Variants in PTPRD observed in about 807,000 individuals in gnomAD.
The protein encoded by PTPRD is receptor-type tyrosine-protein phosphatase delta.
Under a neutral mutation model 214.5 loss-of-function variants are expected in PTPRD, and 34 were observed. The observed-to-expected ratio is 0.16, with a 90% CI of 0.12 to 0.21. The LOEUF (loss-of-function observed/expected upper bound fraction) is 0.21. PTPRD is among the 10% of genes least tolerant of loss of function. PTPRD has a pLI of 1.00. For synonymous variants in PTPRD, 1,128 were observed against 845.7 expected (o/e 1.33, Z -5.79); for missense variants, 2,545 against 2,398.7 (o/e 1.06, Z -1.27).
At chr9:9,914,754 C>T (rs1268575394) in intron 5 of PTPRD, among the ~76,000 whole-genome samples, 4 of 152,190 alleles carry the variant, frequency 2.6e-5, no homozygotes. Flanking sequence ...CCCGGGCCAG[C>T]TGAGCCTGCT....
intron 7 of PTPRD, among the ~76,000 whole-genome samples, chr9:9,585,904 GAAACTGGAAGCAGGCT>G (rs2091862525): frequency 6.6e-6 from 1 of 152,032 alleles, no homozygotes; most frequent in Admixed American, 6.6e-5. Flanking sequence ...TTAACATGGA[GAAACTGGAAGCAGGCT>G]AACCAGAAGT....
intron 10 of PTPRD, among the ~76,000 whole-genome samples, chr9:9,057,463 T>C (rs978178145): frequency 1.3e-5 from 2 of 152,174 alleles, no homozygotes; most frequent in Non-Finnish European, 2.9e-5. Flanking sequence ...CTTTGAAAAC[T>C]ATATGTTAAA....
intron 30 of PTPRD, among the ~76,000 whole-genome samples, chr9:8,476,112 G>T (rs1376595291): frequency 6.6e-6 from 1 of 151,688 alleles, no homozygotes; most frequent in African/African-American, 2.4e-5. Flanking sequence ...CTAGTCCAGT[G>T]GTTCCGAGCC....
At chr9:8,971,226 A>G (rs573151549) in intron 11 of PTPRD, among the ~76,000 whole-genome samples, 2 of 152,034 alleles carry the variant, frequency 1.3e-5, no homozygotes, top group African/African-American at 2.4e-5. Flanking sequence ...TTTATTAGAT[A>G]TAAGTTAACT....
chr9:9,478,502 A>G (rs2095226426), intron 8 of PTPRD, among the ~76,000 whole-genome samples: 1 of 152,202 alleles, frequency 6.6e-6, no homozygotes, highest in Non-Finnish European at 1.5e-5. Context: ...TCTGAAAATG[A>G]AAAATAGTGA....
chr9:8,388,823 T>C (rs1185389002), intron 37 of PTPRD, among the ~76,000 whole-genome samples: 2 of 152,206 alleles, frequency 1.3e-5, no homozygotes, highest in African/African-American at 2.4e-5. Flanking sequence ...TTAAGTCTTA[T>C]GCTGCAGATT....
intron 5 of PTPRD, among the ~76,000 whole-genome samples, chr9:9,836,318 T>C (rs766001130): frequency 5.9e-5 from 9 of 152,128 alleles, no homozygotes; most frequent in Non-Finnish European, 1.2e-4. Flanking sequence ...ATGTAGACAA[T>C]ATCAGGTAAA....
At chr9:9,387,811 C>T (rs918093691) in intron 9 of PTPRD, among the ~76,000 whole-genome samples, 3 of 152,058 alleles carry the variant, frequency 2.0e-5, no homozygotes, top group Admixed American at 1.3e-4. Context: ...TGTGGGGCTC[C>T]GACCCTATGG....
chr9:9,584,359 C>CATTATTATTATTATTATT (rs565638451), intron 7 of PTPRD, among the ~76,000 whole-genome samples: 3,965 of 149,148 alleles, frequency 0.027, 150 homozygotes, highest in African/African-American at 0.086. Context: ...ATTTCATCAC[C>CATTATTATTATTATTATT]ATTATTATTA....
Position 10,101,903 on chromosome 9 carries a change from T to C in PTPRD, c.-544-68113A>G, listed in dbSNP as rs1258955482. Among the ~76,000 whole-genome samples, 8 of 151,692 alleles carry C rather than the reference T, an allele frequency of 5.3e-5. No individual in the cohort carries two copies. The East Asian group carries it at 1.2e-3, about 22-fold the overall frequency. On this transcript the variant is annotated intron_variant, in intron 3 of 45. Transcript: ENST00000381196. ...GTTTTAGGTGCTGTAAGGGACAGCA[T>C]TGGAAACATGTATTTAAGGATACAC...
chr9:8,629,499 T>C (rs72698251), intron 14 of PTPRD, among the ~76,000 whole-genome samples: 7,160 of 151,844 alleles, frequency 0.047, 478 homozygotes, highest in African/African-American at 0.15. Context: ...TCCCTGTTCT[T>C]ACAACACTCT....
At chr9:10,517,565 T>A in intron 2 of PTPRD, among the ~76,000 whole-genome samples, 1 of 152,044 alleles carries the variant, frequency 6.6e-6, no homozygotes, top group East Asian at 1.9e-4. Flanking sequence ...AACAAACTAT[T>A]TTGTCCAATG....
intron 11 of PTPRD, among the ~76,000 whole-genome samples, chr9:8,928,795 T>G (rs2098923200): frequency 6.6e-6 from 1 of 152,324 alleles, no homozygotes; most frequent in East Asian, 1.9e-4. Flanking sequence ...ATGGCCATTT[T>G]CATGATATTG....
chr9:10,491,247 T>A (rs994513873), intron 2 of PTPRD, among the ~76,000 whole-genome samples: 1 of 152,164 alleles, frequency 6.6e-6, no homozygotes, highest in East Asian at 1.9e-4. Flanking sequence ...CAACGTATAA[T>A]CACATATTAT....
chr9:10,417,955 T>A (rs2154514576), intron 2 of PTPRD, among the ~76,000 whole-genome samples: 1 of 151,868 alleles, frequency 6.6e-6, no homozygotes, highest in East Asian at 2.0e-4. Context: ...ACTGTGAATA[T>A]ATCATTTTAC....
rs531844135 is a variant in PTPRD at position 10,426,801 on chromosome 9, T to C, written c.-599-85784A>G. Among the ~76,000 whole-genome samples, 289 of 152,230 alleles carry C rather than the reference T, an allele frequency of 1.9e-3. 1 individual carries two copies. Among genetic ancestry groups the C allele is most frequent in the African/African-American group, 6.6e-3 (275 of 41,586 alleles). ...TGGCATATTGGCCTGAATAATACTGTAGCCAAAACGCATCACACAACTTTC... is the reference window on the plus strand; with the variant it reads ...TGGCATATTGGCCTGAATAATACTGCAGCCAAAACGCATCACACAACTTTC... On this transcript the variant is annotated intron_variant, in intron 2 of 45. Transcript: ENST00000381196.
intron 3 of PTPRD, among the ~76,000 whole-genome samples, chr9:10,104,921 C>T (rs2098608596): frequency 6.6e-6 from 1 of 151,796 alleles, no homozygotes; most frequent in Admixed American, 6.6e-5. Context: ...TTCTTGGCAG[C>T]TGTATTGTAG....
At chr9:8,374,110 GTGTC>G (rs1481666924) in intron 39 of PTPRD, among the ~76,000 whole-genome samples, 2 of 121,494 alleles carry the variant, frequency 1.6e-5, no homozygotes, top group Non-Finnish European at 3.2e-5. Flanking sequence ...AATTACACAC[GTGTC>G]TGTGTGTGTG....
At chr9:10,337,715 A>C (rs183286159) in intron 3 of PTPRD, among the ~76,000 whole-genome samples, 9 of 151,712 alleles carry the variant, frequency 5.9e-5, no homozygotes, top group African/African-American at 1.2e-4. Context: ...ACCTGCATTA[A>C]CTTAATTAAC....
Sources: gnomAD v4.1 joint callset for allele counts (sites outside exome capture counted in the v4.1 genomes callset) on GRCh38, gnomAD v4.1.1 for gene constraint, MANE v1.5 for transcripts, NCBI Gene and HGNC (gene_info 2026-07-23, HGNC 2026-07-21) for gene names.